The following CPQ variants were observed in gnomAD, a reference collection of about 807,000 sequenced individuals.
CPQ encodes the protein carboxypeptidase Q.
In CPQ, 37 loss-of-function variants were observed where a neutral mutation model predicts 45.7. That is an observed-to-expected ratio of 0.81 (90% CI 0.62 to 1.07). The LOEUF is 1.07. CPQ is among the 50% of genes least tolerant of loss of function. The pLI is 0.00. For synonymous variants in CPQ, 186 were observed against 205.8 expected (o/e 0.90, Z 0.82); for missense variants, 537 against 572.9 (o/e 0.94, Z 0.64).
intron 4 of CPQ, among the ~76,000 whole-genome samples, chr8:96,894,224 T>C (rs2130891616): frequency 6.6e-6 from 1 of 152,312 alleles, no homozygotes; most frequent in Admixed American, 6.5e-5. Flanking sequence ...TCAGAGACCC[T>C]AAGCCAGAAC....
At chr8:96,745,493 C>T (rs1353073502) in intron 1 of CPQ, among the ~76,000 whole-genome samples, 3 of 152,192 alleles carry the variant, frequency 2.0e-5, no homozygotes, top group African/African-American at 7.2e-5. Flanking sequence ...CCTTGAGCAG[C>T]TGTTATGTGC....
rs1042454055 is a variant in CPQ at position 96,738,286 on chromosome 8, CAGTT to C, written c.-34-46574_-34-46571del. Among the ~76,000 whole-genome samples, 68 of 152,128 alleles carry C rather than the reference CAGTT, an allele frequency of 4.5e-4. 1 individual carries two copies. Among genetic ancestry groups the C allele is most frequent in the African/African-American group, 1.6e-3 (66 of 41,510 alleles). ...ATTGATTTGTTGCTGTTTGACATATCAGTTAGTGAGGAGGTATGTTAAAATCTTC... is the reference window on the plus strand; with the variant it reads ...ATTGATTTGTTGCTGTTTGACATATCAGTGAGGAGGTATGTTAAAATCTTC... On this transcript the variant is annotated intron_variant, in intron 1 of 7. Transcript: ENST00000220763.
chr8:96,877,286 A>T (rs1463337584), intron 3 of CPQ, among the ~76,000 whole-genome samples: 3 of 152,234 alleles, frequency 2.0e-5, no homozygotes, highest in African/African-American at 7.2e-5. Context: ...TTAAATTAAA[A>T]TTAGAAGATG....
At chr8:96,956,971 G>T (rs1415052830) in intron 4 of CPQ, among the ~76,000 whole-genome samples, 4 of 152,220 alleles carry the variant, frequency 2.6e-5, no homozygotes, top group Non-Finnish European at 5.9e-5. Context: ...AGTAAAGTTG[G>T]CTCCTTGACA....
At position 96,974,320 on chromosome 8, in the gene CPQ, T is replaced by C. The variant is rs906231871; in HGVS notation, c.961+8274T>C. On this transcript the variant is annotated intron_variant, in intron 5 of 7. Coordinates refer to ENST00000220763, the MANE Select transcript of CPQ (RefSeq NM_016134.4). Reference sequence around the variant, plus strand: ...AAAGGACTAGTCCAACAGGAAAATATCACAATTCTAAATATATATGCACCT... The same window carrying C: ...AAAGGACTAGTCCAACAGGAAAATACCACAATTCTAAATATATATGCACCT... 1.2e-4 allele frequency among the ~76,000 whole-genome samples: 19 copies of C among 152,096 alleles called. 1 individual carries two copies. Among genetic ancestry groups the C allele is most frequent in the African/African-American group, 4.6e-4 (19 of 41,398 alleles).
chr8:96,670,300 G>A (rs1808983999), intron 1 of CPQ, among the ~76,000 whole-genome samples: 1 of 151,522 alleles, frequency 6.6e-6, no homozygotes, highest in South Asian at 2.1e-4. Flanking sequence ...CATGTGTATG[G>A]AGTGACTCAA....
chr8:96,956,795 T>C (rs1813364394), intron 4 of CPQ, among the ~76,000 whole-genome samples: 1 of 152,180 alleles, frequency 6.6e-6, no homozygotes, highest in East Asian at 1.9e-4. Context: ...AAACAAAATA[T>C]ACTGATGGAA....
chr8:97,030,682 A>G (rs892149646), intron 6 of CPQ, among the ~76,000 whole-genome samples: 3 of 152,228 alleles, frequency 2.0e-5, no homozygotes, highest in African/African-American at 7.2e-5. Context: ...CTGAACATGT[A>G]CTATGTTCCA....
At chr8:96,946,514 T>C (rs1293303131) in intron 4 of CPQ, among the ~76,000 whole-genome samples, 1 of 152,054 alleles carries the variant, frequency 6.6e-6, no homozygotes, top group African/African-American at 2.4e-5. Flanking sequence ...GTTAGTTACA[T>C]ATGTATACAT....
chr8:97,091,399 C>T (rs1305928515), intron 7 of CPQ, among the ~76,000 whole-genome samples: 8 of 152,138 alleles, frequency 5.3e-5, no homozygotes, highest in Non-Finnish European at 1.0e-4. Context: ...CTGTTGCTGG[C>T]GTTCCATGAG....
intron 6 of CPQ, among the ~76,000 whole-genome samples, chr8:97,036,306 G>A (rs1810006238): frequency 6.6e-6 from 1 of 152,060 alleles, no homozygotes; most frequent in African/African-American, 2.4e-5. Flanking sequence ...GTTATTCTAG[G>A]GAGAGGGGAA....
chr8:96,977,218 T>G (rs1687207499), intron 5 of CPQ, among the ~76,000 whole-genome samples: 1 of 151,366 alleles, frequency 6.6e-6, no homozygotes, highest in African/African-American at 2.4e-5. Context: ...GATATACAAA[T>G]GGCCAACAAG....
intron 1 of CPQ, among the ~76,000 whole-genome samples, chr8:96,677,491 A>G (rs1249068495): frequency 6.6e-6 from 1 of 151,366 alleles, no homozygotes; most frequent in African/African-American, 2.4e-5. Flanking sequence ...AATTGTCTAT[A>G]TGTCCTTTGT....
intron 1 of CPQ, among the ~76,000 whole-genome samples, chr8:96,743,577 C>CTGTTCTG (rs1246324246): frequency 2.0e-5 from 3 of 151,972 alleles, no homozygotes; most frequent in African/African-American, 7.2e-5. Context: ...TCCAGTTTTT[C>CTGTTCTG]TGTTCTGTTT....
chr8:96,880,981 T>G (rs929364524), intron 4 of CPQ, among the ~76,000 whole-genome samples: 1 of 152,136 alleles, frequency 6.6e-6, no homozygotes, highest in African/African-American at 2.4e-5. Context: ...AAGGACAGAA[T>G]GGTATTCGTG....
intron 7 of CPQ, among the ~76,000 whole-genome samples, chr8:97,080,318 T>C (rs1355951581): frequency 6.6e-6 from 1 of 152,136 alleles, no homozygotes. Context: ...CGTTGAAACT[T>C]GGAGTCAAAT....
intron 2 of CPQ, among the ~76,000 whole-genome samples, chr8:96,815,524 A>G (rs1811216496): frequency 1.3e-5 from 2 of 151,930 alleles, no homozygotes; most frequent in Admixed American, 1.3e-4. Context: ...AAAAGAAAGA[A>G]AGAAAGAGAA....
intron 5 of CPQ, among the ~76,000 whole-genome samples, chr8:97,015,769 C>T (rs911131816): frequency 6.6e-6 from 1 of 152,010 alleles, no homozygotes; most frequent in Non-Finnish European, 1.5e-5. Context: ...GAATAAAATC[C>T]TTAAATGCCC....
intron 7 of CPQ, among the ~76,000 whole-genome samples, chr8:97,110,482 A>G (rs1279294869): frequency 2.6e-5 from 4 of 152,202 alleles, no homozygotes; most frequent in Admixed American, 2.0e-4. Flanking sequence ...AATATCTAGG[A>G]GTGGGATTGC....
Sources: allele counts gnomAD v4.1 joint callset (sites outside exome capture counted in the v4.1 genomes callset), GRCh38; gene constraint gnomAD v4.1.1; transcripts MANE v1.5; gene names NCBI Gene and HGNC (gene_info 2026-07-23, HGNC 2026-07-21).